The following FAF1 variants were observed in gnomAD, a reference collection of about 807,000 sequenced individuals.
The protein encoded by FAF1 is Fas associated factor 1, also known as FAS-associated factor 1.
A neutral mutation model predicts 92.5 loss-of-function variants in FAF1; 25 were observed. That is an observed-to-expected ratio of 0.27 (90% confidence interval 0.20 to 0.38). FAF1 has a LOEUF of 0.38. FAF1 is among the 10% of genes least tolerant of loss of function. The pLI is 1.00. For synonymous variants in FAF1, 234 were observed against 273.2 expected (o/e 0.86, Z 1.42); for missense variants, 636 against 793.3 (o/e 0.80, Z 2.38).
Position 50,948,304 on chromosome 1 carries a change from T to C in FAF1, c.45+11463A>G, listed in dbSNP as rs1329185783. ...AAAAAAAATCTGAGGCTGGGTAATT[T>C]ATACAGAAAAGAGGTTTGTTGGCTC... On this transcript the variant is annotated intron_variant, in intron 1 of 18. Coordinates refer to ENST00000396153, the MANE Select transcript of FAF1 (RefSeq NM_007051.3). Among the ~76,000 whole-genome samples, 4 of 152,176 alleles carry C rather than the reference T, an allele frequency of 2.6e-5. No homozygotes were observed. In the East Asian group the frequency reaches 7.7e-4, roughly 29 times the overall value.
At chr1:50,474,294 T>C (rs1174076516) in intron 18 of FAF1, among the ~76,000 whole-genome samples, 1 of 152,194 alleles carries the variant, frequency 6.6e-6, no homozygotes, top group African/African-American at 2.4e-5. Context: ...GTTCCTTAAA[T>C]GACATGATTT....
At chr1:50,546,283 T>C (rs1008974299) in intron 13 of FAF1, among the ~76,000 whole-genome samples, 3 of 152,228 alleles carry the variant, frequency 2.0e-5, no homozygotes, top group Admixed American at 6.5e-5. Context: ...TATGAAGTAA[T>C]GTTAGTGATA....
intron 8 of FAF1, among the ~76,000 whole-genome samples, chr1:50,602,675 G>C (rs1417905750): frequency 1.3e-5 from 2 of 151,662 alleles, no homozygotes; most frequent in Non-Finnish European, 2.9e-5. Flanking sequence ...GCTAATTTTT[G>C]TATTTTTGTA....
Position 50,486,421 on chromosome 1 carries a change from T to C in FAF1, c.1653+4167A>G, listed in dbSNP as rs190390757. On this transcript the variant is annotated intron_variant, in intron 17 of 18. Transcript: ENST00000396153. ...CTTTTGTTCATGACTACTCTTGCAC[T>C]TCCCTTTGGTGTCCATCCAACCATC... Among the ~76,000 whole-genome samples the C allele has an allele frequency of 3.1e-3, 477 of 152,284 alleles. 14 individuals are homozygous for C. The highest frequency in any genetic ancestry group is 0.027 in the Admixed American group (419 of 15,292).
At chr1:50,767,182 T>G (rs1660607287) in intron 4 of FAF1, among the ~76,000 whole-genome samples, 1 of 152,160 alleles carries the variant, frequency 6.6e-6, no homozygotes, top group Admixed American at 6.5e-5. Context: ...GACAATCCAG[T>G]ATTAACATCA....
intron 12 of FAF1, among the ~76,000 whole-genome samples, chr1:50,571,844 C>A (rs548873435): frequency 1.3e-5 from 2 of 152,162 alleles, no homozygotes; most frequent in South Asian, 4.2e-4. Context: ...ATAAGCCAGG[C>A]AGAGAGCAGA....
intron 10 of FAF1, 61 bp downstream of exon 10, chr1:50,584,624 T>C: frequency 6.5e-7 from 1 of 1,527,780 alleles, no homozygotes. Context: ...ATGTTCTTCA[T>C]AAGTTTGTGT....
intron 13 of FAF1, among the ~76,000 whole-genome samples, chr1:50,554,388 T>G (rs1278638): frequency 0.44 from 43,494 of 99,676 alleles, 8,897 homozygotes; most frequent in East Asian, 0.64. Context: ...TATATATATA[T>G]ATAGAGAGAG....
chr1:50,461,521 G>A, intron 18 of FAF1: 1 of 152,016 alleles, frequency 6.6e-6, no homozygotes, highest in East Asian at 1.9e-4. Context: ...AGAAACTGAG[G>A]GTACAAAGGC....
intron 8 of FAF1, among the ~76,000 whole-genome samples, chr1:50,626,960 C>A (rs1358088131): frequency 1.3e-5 from 2 of 152,104 alleles, no homozygotes; most frequent in African/African-American, 4.8e-5. Flanking sequence ...TAACTCTTAT[C>A]TTGCTTGTGG....
intron 18 of FAF1, among the ~76,000 whole-genome samples, chr1:50,448,010 G>C (rs192333361): frequency 6.6e-6 from 1 of 152,194 alleles, no homozygotes; most frequent in Non-Finnish European, 1.5e-5. Context: ...GTGTGAGGGC[G>C]AGTCAGTGGA....
At chr1:50,462,621 C>T (rs116496035) in intron 18 of FAF1, among the ~76,000 whole-genome samples, 124 of 152,248 alleles carry the variant, frequency 8.1e-4, no homozygotes, top group African/African-American at 2.6e-3. Context: ...CGTAGGGGTT[C>T]GGAGCAGACC....
intron 1 of FAF1, among the ~76,000 whole-genome samples, chr1:50,941,985 A>C (rs1390919904): frequency 1.3e-5 from 2 of 152,200 alleles, no homozygotes; most frequent in Non-Finnish European, 2.9e-5. Flanking sequence ...GAAAATGTGG[A>C]TATATAAGGT....
intron 3 of FAF1, among the ~76,000 whole-genome samples, chr1:50,798,227 GC>G (rs1661838152): frequency 6.6e-6 from 1 of 152,148 alleles, no homozygotes; most frequent in Non-Finnish European, 1.5e-5. Context: ...TATTCTGAAA[GC>G]CTAATGGTCA....
intron 1 of FAF1, among the ~76,000 whole-genome samples, chr1:50,887,618 C>G (rs1188211686): frequency 6.6e-6 from 1 of 152,140 alleles, no homozygotes; most frequent in Non-Finnish European, 1.5e-5. Context: ...TTCCCAGCAC[C>G]AATTATTAAA....
chr1:50,816,702 CA>C (rs1329859292), intron 2 of FAF1, among the ~76,000 whole-genome samples: 1 of 152,060 alleles, frequency 6.6e-6, no homozygotes, highest in Non-Finnish European at 1.5e-5. Context: ...TTTCACTTGT[CA>C]ATTTTTGTTT....
At chr1:50,860,746 A>T (rs1644425697) in intron 1 of FAF1, among the ~76,000 whole-genome samples, 1 of 151,564 alleles carries the variant, frequency 6.6e-6, no homozygotes, top group Non-Finnish European at 1.5e-5. Context: ...GTATATATTA[A>T]AAAAAAATTC....
intron 18 of FAF1, among the ~76,000 whole-genome samples, chr1:50,468,354 A>C (rs1646525841): frequency 6.6e-6 from 1 of 151,168 alleles, no homozygotes; most frequent in Non-Finnish European, 1.5e-5. Flanking sequence ...GTCCAGTGGT[A>C]GGATCTTGGC....
chr1:50,772,410 G>C (rs1479121758), intron 4 of FAF1, among the ~76,000 whole-genome samples: 2 of 152,068 alleles, frequency 1.3e-5, no homozygotes, highest in African/African-American at 4.8e-5. Context: ...TATGTTCATT[G>C]CAACAGTATT....
Sources: allele counts gnomAD v4.1 joint callset (sites outside exome capture counted in the v4.1 genomes callset), GRCh38; gene constraint gnomAD v4.1.1; transcripts MANE v1.5; gene names NCBI Gene and HGNC (gene_info 2026-07-23, HGNC 2026-07-21).